The following DNAJC24 variants were observed in gnomAD, a reference collection of about 807,000 sequenced individuals.
DNAJC24 encodes DnaJ heat shock protein family (Hsp40) member C24, also known as dnaJ homolog subfamily C member 24.
Under a neutral mutation model 18.0 loss-of-function variants are expected in DNAJC24, and 17 were observed. The ratio of observed to expected loss-of-function variants is 0.94; its 90% confidence interval spans 0.65 to 1.42. The LOEUF is 1.42. Among genes scored for constraint, DNAJC24 ranks in the 40% most tolerant of loss-of-function variants. The probability of loss-of-function intolerance (pLI) is 0.00; values close to 1 mark genes in which losing one functional copy is unlikely to be tolerated. For synonymous variants in DNAJC24, 55 were observed against 57.7 expected, an observed-to-expected ratio of 0.95 and a Z score of 0.21; for missense variants, 158 against 175.6, an observed-to-expected ratio of 0.90 and a Z score of 0.57.
At position 31,426,808 on chromosome 11, in the gene DNAJC24, ATTT is replaced by A. The variant is rs34295574; in HGVS notation, c.319+470_319+472del. On this transcript the variant is annotated intron_variant, in intron 4 of 4. Transcript: ENST00000465995. ...CAGGACAGGGCTTTTAAGAGGCTTG[ATTT>A]TTTTTTTTTTTTTTTTAACGCTCAC... is the stretch of plus-strand genomic sequence containing the variant. 3.4e-3 allele frequency: 447 copies of A among 132,614 alleles called. 2 individuals carry two copies. The highest frequency in any genetic ancestry group is 0.011 in the African/African-American group (394 of 35,802). The allele number at this position is 132,614 out of a possible 1,614,324, so 8.2% of individuals were successfully genotyped here. A position where few individuals can be genotyped will look rare whatever the true frequency, so the allele number is the denominator to read the frequency against.
chr11:31,393,808 T>C (rs1276110584), intron 2 of DNAJC24, among the ~76,000 whole-genome samples: 4 of 152,164 alleles, frequency 2.6e-5, no homozygotes, highest in African/African-American at 7.2e-5. Context: ...AATTGTAATA[T>C]ATATTTATAT....
At chr11:31,408,029 T>C in intron 2 of DNAJC24, 1 of 449,800 alleles carries the variant, frequency 2.2e-6, no homozygotes, top group Non-Finnish European at 4.5e-6. Context: ...AGTTGACATT[T>C]ATGATTAGTG....
At position 31,432,408 on chromosome 11, in the gene DNAJC24, C is replaced by T. The variant is rs1255718955; in HGVS notation, c.*2007C>T. The stretch of plus-strand genomic sequence containing the variant: ...ATTAAAAACAACTAAAACTGAATAG[C>T]AAATAGTTTATTGGTAAGTACACGG... On this transcript the variant is annotated 3_prime_UTR_variant, in exon 5 of 5. Transcript: ENST00000465995. 1 of 830,282 alleles carries T rather than the reference C, an allele frequency of 1.2e-6. No homozygotes were observed. The allele number at this position is 830,282 out of a possible 1,614,324, so 51.4% of individuals were successfully genotyped here. A position where few individuals can be genotyped will look rare whatever the true frequency, so the allele number is the denominator to read the frequency against.
intron 2 of DNAJC24, among the ~76,000 whole-genome samples, chr11:31,399,753 T>G (rs1261986915): frequency 1.4e-5 from 2 of 148,122 alleles, no homozygotes; most frequent in Non-Finnish European, 3.0e-5. Context: ...TTTTTTTTTT[T>G]TTTTTTTTAC....
At chr11:31,405,216 C>A (rs370936344) in intron 2 of DNAJC24, among the ~76,000 whole-genome samples, 1 of 151,400 alleles carries the variant, frequency 6.6e-6, no homozygotes, top group Non-Finnish European at 1.5e-5. Flanking sequence ...ATTACAGGCA[C>A]GTGCCACCAC....
At chr11:31,393,622 G>A (rs1952518992) in intron 2 of DNAJC24, among the ~76,000 whole-genome samples, 1 of 152,048 alleles carries the variant, frequency 6.6e-6, no homozygotes, top group South Asian at 2.1e-4. Flanking sequence ...AGAGGATGCA[G>A]CGTGCATGGT....
At chr11:31,372,217 C>T (rs1952271989) in intron 2 of DNAJC24, among the ~76,000 whole-genome samples, 1 of 151,874 alleles carries the variant, frequency 6.6e-6, no homozygotes, top group Non-Finnish European at 1.5e-5. Context: ...GCTTCTTAAG[C>T]CAATGTCTGT....
intron 3 of DNAJC24, among the ~76,000 whole-genome samples, chr11:31,423,839 G>A (rs1320712880): frequency 6.6e-6 from 1 of 152,068 alleles, no homozygotes; most frequent in Non-Finnish European, 1.5e-5. Context: ...CTTGGGCAAG[G>A]TACTAACCAT....
In DNAJC24 at chr11:31,371,874, G is replaced by A. The variant is rs1357923019; in HGVS notation, c.111+1015G>A. ...GTTTTACTCTTGTTGCCCAGGCTAG[G>A]GTGCAATGGTGCGATCTTGGCACAC... On this transcript the variant is annotated intron_variant, in intron 2 of 4. Transcript: ENST00000465995. Among the ~76,000 whole-genome samples the A allele has an allele frequency of 2.1e-5, 3 of 144,716 alleles. No homozygotes were observed. The Admixed American group carries it at 2.1e-4, about 10-fold the overall frequency. 94.9% of individuals were successfully genotyped at this position (144,716 alleles called of 152,430 possible).
chr11:31,412,904 T>A (rs1952721549), intron 2 of DNAJC24, among the ~76,000 whole-genome samples: 1 of 152,176 alleles, frequency 6.6e-6, no homozygotes, highest in African/African-American at 2.4e-5. Flanking sequence ...AGCATGAAAA[T>A]GAATCTATTT....
intron 4 of DNAJC24, among the ~76,000 whole-genome samples, chr11:31,429,154 T>G (rs920568692): frequency 6.6e-5 from 10 of 151,848 alleles, no homozygotes; most frequent in African/African-American, 2.4e-4. Context: ...TTTTTCTGTA[T>G]GGAGAGCAAA....
At chr11:31,408,331 G>A in intron 2 of DNAJC24, 1 of 385,726 alleles carries the variant, frequency 2.6e-6, no homozygotes, top group East Asian at 7.2e-5. Flanking sequence ...AAGATTTGAG[G>A]TGAGTCCCAA....
intron 3 of DNAJC24, among the ~76,000 whole-genome samples, chr11:31,426,074 A>T (rs2598471): frequency 0.65 from 97,765 of 151,454 alleles, 33,379 homozygotes; most frequent in African/African-American, 0.89. Flanking sequence ...TGATTTTGAC[A>T]AAAAATTTAT....
chr11:31,432,263 CT>C lies in DNAJC24; in HGVS notation c.*1863del. The C allele has an allele frequency of 4.5e-6, 2 of 448,398 alleles. No homozygotes were observed. The highest frequency in any genetic ancestry group is 8.0e-6 in the Non-Finnish European group (2 of 248,938). 27.8% of individuals were successfully genotyped at this position (448,398 alleles called of 1,614,324 possible). A position where few individuals can be genotyped will look rare whatever the true frequency, so the allele number is the denominator to read the frequency against. ...AGTGAGGTAGTCATCCAGGTTCCCC[CT>C]CCCACAATATTTTTGTATCATAAAA... is the stretch of plus-strand genomic sequence containing the variant. On this transcript the variant is annotated 3_prime_UTR_variant, in exon 5 of 5. Coordinates refer to ENST00000465995, the MANE Select transcript of DNAJC24 (RefSeq NM_181706.5).
In DNAJC24 at chr11:31,414,907, G is replaced by T; in HGVS notation, c.208G>T (p.Gly70Ter). The T allele has an allele frequency of 1.2e-6, 2 of 1,614,026 alleles. No individual in the cohort carries two copies. The highest frequency in any genetic ancestry group is 1.7e-6 in the Non-Finnish European group (2 of 1,179,970). The change falls in exon 3 of 5, where the codon GGA (glycine) becomes TGA (stop). Residue 70 changes from glycine (G) to a stop codon, truncating the protein, a stop_gained. Coordinates refer to ENST00000465995, the MANE Select transcript of DNAJC24 (RefSeq NM_181706.5). LOFTEE classifies it high-confidence loss of function. ...IEIDQAWKIL[G>*]NEETKREYDL... ...AATTGATCAAGCATGGAAAATTCTA[G>T]GAAATGAAGAGACAAAAAGAGAGTA...
chr11:31,375,481 A>G (rs1423013919), intron 2 of DNAJC24, among the ~76,000 whole-genome samples: 2 of 135,334 alleles, frequency 1.5e-5, no homozygotes, highest in African/African-American at 5.0e-5. Context: ...TTTCTTTTAG[A>G]AGATGAGAGA....
intron 4 of DNAJC24, 53 bp downstream of exon 4, chr11:31,426,408 TA>T: frequency 9.3e-7 from 1 of 1,069,974 alleles, no homozygotes. Context: ...GAATTTTCTA[TA>T]AGAAAAAAAA....
chr11:31,384,523 G>T (rs1028146070), intron 2 of DNAJC24: 3 of 152,268 alleles, frequency 2.0e-5, no homozygotes, highest in African/African-American at 7.2e-5. Flanking sequence ...TAAGAAGGAA[G>T]TTGGCTCTGT....
At position 31,426,347 on chromosome 11, in the gene DNAJC24, G is replaced by A; in HGVS notation, c.311G>A (p.Trp104Ter). The stretch of plus-strand genomic sequence containing the variant: ...CAAGTATATCTTGAAGAAATGTCTT[G>A]GAATGAAGGTTGGATTTTTTTTTTC... ...DAQVYLEEMSWNEGDHSFYLS... is the reference protein window; with the variant it reads ...DAQVYLEEMS Residue 104 changes from tryptophan to a stop codon, truncating the protein, a stop_gained, in exon 4 of 5, where the codon TGG becomes TAG. Transcript: ENST00000465995. LOFTEE classifies it high-confidence loss of function. 1 of 1,539,028 alleles carries A rather than the reference G, an allele frequency of 6.5e-7. No homozygotes were observed. The highest frequency in any genetic ancestry group is 1.2e-5 in the South Asian group (1 of 80,174).
Sources: allele counts gnomAD v4.1 joint callset (sites outside exome capture counted in the v4.1 genomes callset), GRCh38; gene constraint gnomAD v4.1.1; transcripts MANE v1.5; gene names NCBI Gene and HGNC (gene_info 2026-07-23, HGNC 2026-07-21).